Variants in EPB41L4A observed in about 807,000 individuals in gnomAD.
EPB41L4A encodes the protein erythrocyte membrane protein band 4.1 like 4A.
In EPB41L4A, 100 loss-of-function variants were observed where a neutral mutation model predicts 108.6. The observed-to-expected ratio is 0.92, with a 90% CI of 0.78 to 1.09. The LOEUF (loss-of-function observed/expected upper bound fraction) is 1.09. Among genes scored for constraint, EPB41L4A ranks in the 50% least tolerant of loss-of-function variants. The pLI is 0.00. For missense variants in EPB41L4A, 1,030 were observed against 842.7 expected (o/e 1.22, Z -2.75); for synonymous variants, 319 against 289.0 (o/e 1.10, Z -1.05).
At chr5:112,291,751 G>A (rs564695795) in intron 2 of EPB41L4A, among the ~76,000 whole-genome samples, 6 of 152,178 alleles carry the variant, frequency 3.9e-5, no homozygotes, top group Non-Finnish European at 8.8e-5. Context: ...CTAGGTAGCC[G>A]AACACATGCA....
At chr5:112,159,901 CTTTT>C (rs540095907), downstream of EPB41L4A, among the ~76,000 whole-genome samples, 4 of 130,370 alleles carry the variant, frequency 3.1e-5, no homozygotes, top group Admixed American at 2.3e-4. Flanking sequence ...TTTCTTTTTA[CTTTT>C]TTTTTTTTTT....
intron 11 of EPB41L4A, among the ~76,000 whole-genome samples, chr5:112,235,279 A>G (rs1749250300): frequency 6.6e-6 from 1 of 152,188 alleles, no homozygotes. Context: ...GCAGGCCTAG[A>G]ACCCCATGCA....
At chr5:112,176,317 T>A (rs577849705) in intron 18 of EPB41L4A, among the ~76,000 whole-genome samples, 1 of 152,300 alleles carries the variant, frequency 6.6e-6, no homozygotes, top group Non-Finnish European at 1.5e-5. Context: ...ATAACTCAAA[T>A]AAAGGACAGA....
chr5:112,356,878 T>C (rs1438086589), intron 1 of EPB41L4A, among the ~76,000 whole-genome samples: 1 of 152,240 alleles, frequency 6.6e-6, no homozygotes. Flanking sequence ...CAAAGTGACA[T>C]ACAAGTTGCT....
At chr5:112,402,661 GAGAAAA>G (rs1308924049) in intron 1 of EPB41L4A, among the ~76,000 whole-genome samples, 2 of 152,040 alleles carry the variant, frequency 1.3e-5, no homozygotes, top group African/African-American at 4.8e-5. Flanking sequence ...CTCCCCTGGG[GAGAAAA>G]AAAATCCTTG....
At chr5:112,170,195 T>G in intron 20 of EPB41L4A, 106 bp downstream of exon 20, 1 of 1,158,694 alleles carries the variant, frequency 8.6e-7, no homozygotes, top group Non-Finnish European at 1.2e-6. Flanking sequence ...TTGTTTAAAA[T>G]GTAAAGACAA....
intron 18 of EPB41L4A, among the ~76,000 whole-genome samples, chr5:112,171,973 G>A (rs183300141): frequency 2.0e-5 from 3 of 152,004 alleles, no homozygotes; most frequent in East Asian, 1.9e-4. Flanking sequence ...CATTCTTCTC[G>A]ATTCATAAGG....
intron 12 of EPB41L4A, among the ~76,000 whole-genome samples, chr5:112,151,050 T>C (rs1759445469): frequency 6.6e-6 from 1 of 152,192 alleles, no homozygotes; most frequent in Non-Finnish European, 1.5e-5. Flanking sequence ...TCTGCATTTC[T>C]AATAAGCTCT....
downstream of EPB41L4A, chr5:112,162,587 T>TAAGA (rs1759974930): frequency 6.6e-6 from 1 of 152,252 alleles, no homozygotes; most frequent in Non-Finnish European, 1.5e-5. Flanking sequence ...CCATATCTTC[T>TAAGA]GCCTTTGCTT....
At chr5:112,342,841 G>A (rs1757403901) in intron 1 of EPB41L4A, among the ~76,000 whole-genome samples, 1 of 151,782 alleles carries the variant, frequency 6.6e-6, no homozygotes, top group Admixed American at 6.6e-5. Context: ...CTACACTTCT[G>A]AGGCATTCAC....
At chr5:112,408,327 A>C (rs1762201436) in intron 1 of EPB41L4A, among the ~76,000 whole-genome samples, 1 of 152,188 alleles carries the variant, frequency 6.6e-6, no homozygotes, top group Non-Finnish European at 1.5e-5. Context: ...CCAAAAGCAC[A>C]AGCAACATAG....
chr5:112,213,313 A>C (rs1747351876), intron 12 of EPB41L4A, among the ~76,000 whole-genome samples: 1 of 151,884 alleles, frequency 6.6e-6, no homozygotes, highest in African/African-American at 2.4e-5. Context: ...TCAAAATGGT[A>C]ATCTACTGTT....
chr5:112,348,114 T>C (rs1271231136), intron 1 of EPB41L4A, among the ~76,000 whole-genome samples: 1 of 152,196 alleles, frequency 6.6e-6, no homozygotes, highest in African/African-American at 2.4e-5. Flanking sequence ...GTGCCCTACC[T>C]ATTACACTTT....
intron 1 of EPB41L4A, among the ~76,000 whole-genome samples, chr5:112,355,369 G>A (rs562962256): frequency 2.6e-4 from 40 of 152,264 alleles, no homozygotes; most frequent in African/African-American, 9.4e-4. Flanking sequence ...AATTAAGTAT[G>A]AAATTTCTTC....
At chr5:112,363,351 T>G (rs892935089) in intron 1 of EPB41L4A, 2 of 151,274 alleles carry the variant, frequency 1.3e-5, no homozygotes, top group Non-Finnish European at 2.9e-5. Context: ...TGCCCAACAC[T>G]TTGAGAGGCT....
At chr5:112,159,701 C>G (rs1206057282), downstream of EPB41L4A, among the ~76,000 whole-genome samples, 1 of 152,204 alleles carries the variant, frequency 6.6e-6, no homozygotes, top group Non-Finnish European at 1.5e-5. Flanking sequence ...CTTCCTATTC[C>G]TAGCCCCATG....
intron 1 of EPB41L4A, among the ~76,000 whole-genome samples, chr5:112,354,291 G>C (rs1758236665): frequency 6.6e-6 from 1 of 152,184 alleles, no homozygotes; most frequent in South Asian, 2.1e-4. Context: ...CAATGGGTAT[G>C]ACTCGCCAAA....
At chr5:112,314,797 A>T (rs1418030095) in intron 1 of EPB41L4A, among the ~76,000 whole-genome samples, 2 of 152,156 alleles carry the variant, frequency 1.3e-5, no homozygotes, top group Non-Finnish European at 2.9e-5. Context: ...CATCTCAAAA[A>T]AAAAAGAAAA....
At chr5:112,390,548 T>A (rs1400996481) in intron 1 of EPB41L4A, among the ~76,000 whole-genome samples, 6 of 151,968 alleles carry the variant, frequency 3.9e-5, no homozygotes, top group Admixed American at 1.3e-4. Context: ...GCCCAGAAAC[T>A]CAAACTGGGT....
Sources: gnomAD v4.1 joint callset for allele counts (sites outside exome capture counted in the v4.1 genomes callset) on GRCh38, gnomAD v4.1.1 for gene constraint, MANE v1.5 for transcripts, NCBI Gene and HGNC (gene_info 2026-07-23, HGNC 2026-07-21) for gene names.